Variants in THUMPD3 observed in about 807,000 individuals in gnomAD.
The protein encoded by THUMPD3 is THUMP domain 3 tRNA guanosine methyltransferase, also known as tRNA (guanine(6)-N(2))-methyltransferase THUMP3.
Under a neutral mutation model 54.5 loss-of-function variants are expected in THUMPD3, and 44 were observed. The observed-to-expected ratio is 0.81, with a 90% CI of 0.63 to 1.04. THUMPD3 has a LOEUF of 1.04. Ranked by LOEUF, THUMPD3 falls within the 50% of genes least tolerant of loss-of-function variation. The probability of loss-of-function intolerance (pLI) is 0.00; values close to 1 mark genes in which losing one functional copy is unlikely to be tolerated. For missense variants in THUMPD3, 604 were observed against 601.3 expected (o/e 1.00, Z -0.05); for synonymous variants, 196 against 201.4 (o/e 0.97, Z 0.23).
At chr3:9,380,716 T>C (rs986745797) in intron 7 of THUMPD3, 98 bp downstream of exon 7, 7 of 738,566 alleles carry the variant, frequency 9.5e-6, no homozygotes, top group Non-Finnish European at 4.5e-6. Context: ...TGTGACGTCA[T>C]TGTAACCAAA....
chr3:9,381,937 G>T (rs1575082161), intron 7 of THUMPD3, among the ~76,000 whole-genome samples: 1 of 150,640 alleles, frequency 6.6e-6, no homozygotes, highest in African/African-American at 2.4e-5. Context: ...CCGCCACCAT[G>T]CCCGGCTTAT....
chr3:9,366,616 G>T (rs113648816), intron 2 of THUMPD3, among the ~76,000 whole-genome samples: 8 of 152,320 alleles, frequency 5.3e-5, no homozygotes, highest in African/African-American at 1.9e-4. Context: ...GAGGAAATAT[G>T]ATACAGCCCA....
At chr3:9,371,643 T>C (rs2032048344) in intron 4 of THUMPD3, 107 bp downstream of exon 4, 1 of 1,006,380 alleles carries the variant, frequency 9.9e-7, no homozygotes, top group African/African-American at 1.6e-5. Context: ...AATAGTAGGG[T>C]GTGGTTAAGA....
Position 9,384,596 on chromosome 3 carries a change from G to A in THUMPD3, c.1432G>A (p.Ala478Thr), listed in dbSNP as rs1489931097. 1 of 1,614,158 alleles carries A rather than the reference G, an allele frequency of 6.2e-7. No homozygotes were observed. Among genetic ancestry groups the A allele is most frequent in the South Asian group, 1.1e-5 (1 of 91,086 alleles). The change falls in exon 10 of 10, where the codon GCA becomes ACA. Residue 478 changes from alanine (A) to threonine (T), a missense_variant. By Grantham distance (58) the Ala-to-Thr change is moderately conservative. Transcript: ENST00000452837. ...GGTGAACGTTGGTGGTCTTCGTGCT[G>A]CAGTTTACGTTCTGATACGTACACC... ...VWVNVGGLRA[A>T]VYVLIRTPQA...
chr3:9,377,340 A>C (rs2032539162), intron 5 of THUMPD3, among the ~76,000 whole-genome samples: 1 of 152,140 alleles, frequency 6.6e-6, no homozygotes, highest in Non-Finnish European at 1.5e-5. Flanking sequence ...AAGTAATGGA[A>C]TATACAGTCA....
Position 9,365,075 on chromosome 3 carries a change from G to A in THUMPD3, c.7G>A (p.Asp3Asn). The A allele has an allele frequency of 1.2e-6, 2 of 1,613,752 alleles. No individual in the cohort carries two copies. Among genetic ancestry groups the A allele is most frequent in the Non-Finnish European group, 1.7e-6 (2 of 1,179,728 alleles). The change falls in exon 2 of 10, where the codon GAC becomes AAC. Residue 3 changes from aspartate to asparagine, a missense_variant. Physicochemically the swap from Asp to Asn is conservative, Grantham distance 23 (BLOSUM62 1). Transcript: ENST00000452837. Reference sequence around the variant, plus strand: ...TCTTGGAAGCACAGCCAACATGTGTGACATTGAAGAAGCCACTAACCAACT... The same window carrying A: ...TCTTGGAAGCACAGCCAACATGTGTAACATTGAAGAAGCCACTAACCAACT... MCDIEEATNQLLD... is the reference protein window; with the variant it reads MCNIEEATNQLLD...
In THUMPD3 at chr3:9,366,920, A is replaced by C; in HGVS notation, c.265A>C (p.Arg89=). 6.2e-7 allele frequency: 1 copy of C among 1,611,338 alleles called. No homozygotes were observed. Among genetic ancestry groups the C allele is most frequent in the Non-Finnish European group, 8.5e-7 (1 of 1,179,288 alleles). Residue 89 remains arginine (R), a synonymous_variant, in exon 3 of 10, where the codon AGA becomes CGA. Transcript: ENST00000452837. ...TTTTTTCACCCAGGTTCATTGTCTG[A>C]GATCAGTTGATAACTTATTTGTGGT... The part of the protein sequence containing the change: ...VESLAQVHCL[R]SVDNLFVVVQ...
chr3:9,376,025 C>G (rs1190052162), intron 5 of THUMPD3, among the ~76,000 whole-genome samples: 1 of 152,092 alleles, frequency 6.6e-6, no homozygotes, highest in East Asian at 1.9e-4. Context: ...AAATTGGGCC[C>G]ATTTGATAAA....
intron 6 of THUMPD3, 112 bp from the exon 7 acceptor site, chr3:9,380,391 C>T: frequency 1.5e-6 from 1 of 679,554 alleles, no homozygotes; most frequent in Non-Finnish European, 2.5e-6. Context: ...CAGTTGACAA[C>T]ATGCAATGTT....
At chr3:9,376,484 A>C (rs2125324137) in intron 5 of THUMPD3, among the ~76,000 whole-genome samples, 1 of 152,272 alleles carries the variant, frequency 6.6e-6, no homozygotes. Context: ...TTGGTCAGAT[A>C]TTCACCCCTG....
At chr3:9,374,485 A>G in intron 4 of THUMPD3, 31 bp from the exon 5 acceptor site, 1 of 1,609,610 alleles carries the variant, frequency 6.2e-7, no homozygotes, top group South Asian at 1.1e-5. Context: ...ACAATCCTAA[A>G]ACTATTTTGT....
chr3:9,384,766 CAA>C lies in THUMPD3; in HGVS notation c.*81_*82del. The C allele has an allele frequency of 6.5e-7, 1 of 1,537,080 alleles. No individual in the cohort carries two copies. The highest frequency in any genetic ancestry group is 8.9e-7 in the Non-Finnish European group (1 of 1,121,478). ...AACTTGGAGAGGAAAAAAGTATTAA[CAA>C]AACTGCAGTCTGCACTCTTTAAACC... On this transcript the variant is annotated 3_prime_UTR_variant, in exon 10 of 10. Coordinates refer to ENST00000452837, the MANE Select transcript of THUMPD3 (RefSeq NM_001114092.2).
At chr3:9,365,488 C>T (rs1005797905) in intron 2 of THUMPD3, among the ~76,000 whole-genome samples, 168 bp downstream of exon 2, 5 of 149,238 alleles carry the variant, frequency 3.4e-5, no homozygotes, top group Non-Finnish European at 7.4e-5. Context: ...GTAATTTTGA[C>T]TGTAGTTTCA....
At chr3:9,373,394 G>C (rs1472091037) in intron 4 of THUMPD3, among the ~76,000 whole-genome samples, 1 of 152,078 alleles carries the variant, frequency 6.6e-6, no homozygotes, top group Non-Finnish European at 1.5e-5. Flanking sequence ...TACTTGGGAG[G>C]CTGAAGTAAG....
At chr3:9,375,590 C>G (rs970680667) in intron 5 of THUMPD3, among the ~76,000 whole-genome samples, 1 of 152,152 alleles carries the variant, frequency 6.6e-6, no homozygotes, top group African/African-American at 2.4e-5. Flanking sequence ...TGCAAAATAC[C>G]TATTATATAC....
chr3:9,375,479 G>A (rs1031873913), intron 5 of THUMPD3, among the ~76,000 whole-genome samples: 63 of 152,264 alleles, frequency 4.1e-4, no homozygotes, highest in African/African-American at 1.4e-3. Context: ...TCCACCACTT[G>A]AAAATGTTTA....
chr3:9,378,104 A>G, intron 6 of THUMPD3, among the ~76,000 whole-genome samples: 1 of 152,228 alleles, frequency 6.6e-6, no homozygotes, highest in East Asian at 1.9e-4. Flanking sequence ...TGTTAGTGAC[A>G]TCTATTCACT....
Position 9,377,803 on chromosome 3 carries a change from G to A in THUMPD3, c.939-16G>A, listed in dbSNP as rs773754288. ...TTTTGAGTGAGTCTTCACATAGGCT[G>A]TTTTCTTTTCTCTAGGCTCTGTGAT... is the stretch of plus-strand genomic sequence containing the variant. On this transcript the variant is annotated splice_polypyrimidine_tract_variant and intron_variant, in intron 5 of 9. Coordinates refer to ENST00000452837, the MANE Select transcript of THUMPD3 (RefSeq NM_001114092.2). 1 of 1,611,292 alleles carries A rather than the reference G, an allele frequency of 6.2e-7. No individual in the cohort carries two copies. The highest frequency in any genetic ancestry group is 2.2e-5 in the East Asian group (1 of 44,854).
intron 4 of THUMPD3, 40 bp from the exon 5 acceptor site, chr3:9,374,476 C>A (rs774373576): frequency 6.2e-7 from 1 of 1,604,902 alleles, no homozygotes; most frequent in South Asian, 1.1e-5. Context: ...GCAGTTTGAA[C>A]AATCCTAAAA....
Sources: allele counts gnomAD v4.1 joint callset (sites outside exome capture counted in the v4.1 genomes callset), GRCh38; gene constraint gnomAD v4.1.1; transcripts MANE v1.5; gene names NCBI Gene and HGNC (gene_info 2026-07-23, HGNC 2026-07-21).